CDCA8: variants seen among roughly 807,000 people sequenced by gnomAD.
The protein encoded by CDCA8 is borealin.
Under a neutral mutation model 40.0 loss-of-function variants are expected in CDCA8, and 25 were observed. The observed-to-expected ratio is 0.63, with a 90% CI of 0.46 to 0.87. The LOEUF is 0.87. CDCA8 is among the 40% of genes least tolerant of loss of function. The pLI is 0.00. For synonymous variants in CDCA8, 111 were observed against 126.5 expected, an observed-to-expected ratio of 0.88 and a Z score of 0.82; for missense variants, 280 against 348.4, an observed-to-expected ratio of 0.80 and a Z score of 1.56.
chr1:37,708,298 T>C (rs766804634), intron 9 of CDCA8, 24 bp from the exon 10 acceptor site: 6 of 1,606,340 alleles, frequency 3.7e-6, no homozygotes, highest in East Asian at 2.3e-5. Flanking sequence ...TCTTCTACAA[T>C]GACCTCTCTC....
chr1:37,699,008 A>T (rs763701163), intron 4 of CDCA8, 31 bp downstream of exon 4: 1 of 1,499,476 alleles, frequency 6.7e-7, no homozygotes, highest in East Asian at 2.3e-5. Flanking sequence ...CTTGTTGTAC[A>T]GAAAGAACTG....
At chr1:37,697,035 A>C (rs768659) in intron 3 of CDCA8, among the ~76,000 whole-genome samples, 43,434 of 152,102 alleles carry the variant, frequency 0.29, 7,394 homozygotes, top group East Asian at 0.69. Context: ...TTAAATTAGA[A>C]ATACAGAACT....
rs970188923 is a variant in CDCA8, at chr1:37,696,673, T to C, written c.264+723T>C. Among the ~76,000 whole-genome samples, 15 of 152,242 alleles carry C rather than the reference T, an allele frequency of 9.9e-5. No individual in the cohort carries two copies. Among genetic ancestry groups the C allele is most frequent in the Admixed American group, 9.8e-4 (15 of 15,280 alleles). On this transcript the variant is annotated intron_variant, in intron 3 of 9. Coordinates refer to ENST00000373055, the MANE Select transcript of CDCA8 (RefSeq NM_001256875.2). The surrounding 1 kb of genome is among the most constrained non-coding windows in gnomAD (Gnocchi z 5.0). The stretch of plus-strand genomic sequence containing the variant: ...AGTCCCTAGGCACTCTAAAATAATA[T>C]ACAAACAATGCGTGTGTATGCACGC...
chr1:37,704,849 T>C (rs1021201011), intron 7 of CDCA8, among the ~76,000 whole-genome samples: 1 of 151,914 alleles, frequency 6.6e-6, no homozygotes, highest in African/African-American at 2.4e-5. Context: ...GATTTTGCCA[T>C]GTTGGCCAGG....
chr1:37,692,821 C>T, intron 1 of CDCA8, 37 bp downstream of exon 1: 8 of 1,613,024 alleles, frequency 5.0e-6, no homozygotes, highest in South Asian at 2.2e-5. Flanking sequence ...CTGGGGCGGT[C>T]GCGGGATGCT....
intron 5 of CDCA8, among the ~76,000 whole-genome samples, chr1:37,700,878 C>T (rs1236011712): frequency 6.6e-6 from 1 of 152,156 alleles, no homozygotes; most frequent in Admixed American, 6.5e-5. Context: ...CATGCTGACA[C>T]TATAGAATGA....
At chr1:37,694,473 C>G (rs1645513507) in intron 2 of CDCA8, among the ~76,000 whole-genome samples, 1 of 152,154 alleles carries the variant, frequency 6.6e-6, no homozygotes, top group Admixed American at 6.5e-5. Context: ...ATTGTCTCTG[C>G]CTTCAGGAAC....
At chr1:37,706,261 C>T (rs1040321367) in intron 8 of CDCA8, among the ~76,000 whole-genome samples, 3 of 152,130 alleles carry the variant, frequency 2.0e-5, no homozygotes, top group Non-Finnish European at 4.4e-5. Flanking sequence ...GCACATGCCA[C>T]CACACCCGGC....
intron 6 of CDCA8, 36 bp from the exon 7 acceptor site, chr1:37,703,216 G>A: frequency 1.3e-6 from 2 of 1,501,730 alleles, no homozygotes; most frequent in Non-Finnish European, 1.9e-6. Context: ...TGGAACCTGA[G>A]AGTTGGCATA....
Position 37,703,324 on chromosome 1 carries a change from C to A in CDCA8, c.561C>A (p.Gly187=), listed in dbSNP as rs763837897. Residue 187 remains glycine (G), a synonymous_variant, in exon 7 of 10, where the codon GGC becomes GGA. Transcript: ENST00000373055. ...TGTCCATGGTCAAACCAACTCCAGG[C>A]CTGACACCCAGGTTTGACTCAAGGT... The part of the protein sequence containing the change: ...LEVSMVKPTP[G]LTPRFDSRVF... 1.9e-6 allele frequency: 3 copies of A among 1,613,646 alleles called. No individual in the cohort carries two copies. The highest frequency in any genetic ancestry group is 2.5e-6 in the Non-Finnish European group (3 of 1,179,574).
Position 37,696,021 on chromosome 1 carries a change from G to T in CDCA8, c.264+71G>T. ...GTCCAGTCCCCAGATCCAACTAATA[G>T]ATGCTTACTGTGGAAGAGGTTTCAT... is the stretch of plus-strand genomic sequence containing the variant. On this transcript the variant is annotated intron_variant, in intron 3 of 9. Transcript: ENST00000373055. The surrounding 1 kb of genome is among the most constrained non-coding windows in gnomAD (Gnocchi z 5.0). The T allele has an allele frequency of 7.5e-7, 1 of 1,337,348 alleles. No homozygotes were observed. The highest frequency in any genetic ancestry group is 1.1e-6 in the Non-Finnish European group (1 of 935,134). 82.8% of individuals were successfully genotyped at this position (1,337,348 alleles called of 1,614,324 possible). A position where few individuals can be genotyped will look rare whatever the true frequency, so the allele number is the denominator to read the frequency against.
Position 37,708,734 on chromosome 1 carries a change from G to C in CDCA8, c.*368G>C, listed in dbSNP as rs1295004465. ...AAGAAGAACCCTGTGTTCTCAGGAA[G>C]ACTGCCTCCACCACCGCTACCCAGA... On this transcript the variant is annotated 3_prime_UTR_variant, in exon 10 of 10. Coordinates refer to ENST00000373055, the MANE Select transcript of CDCA8 (RefSeq NM_001256875.2). The C allele has an allele frequency of 3.2e-6, 1 of 308,448 alleles. No homozygotes were observed. Among genetic ancestry groups the C allele is most frequent in the African/African-American group, 2.1e-5 (1 of 47,010 alleles). 19.1% of individuals were successfully genotyped at this position (308,448 alleles called of 1,614,324 possible). A position where few individuals can be genotyped will look rare whatever the true frequency, so the allele number is the denominator to read the frequency against.
intron 4 of CDCA8, 30 bp from the exon 5 acceptor site, chr1:37,700,406 A>G: frequency 3.8e-6 from 5 of 1,320,756 alleles, no homozygotes; most frequent in Non-Finnish European, 5.5e-6. Context: ...TTCATCAGAA[A>G]TACCACCCTG....
chr1:37,700,574 C>T, intron 5 of CDCA8, 53 bp downstream of exon 5: 2 of 1,028,806 alleles, frequency 1.9e-6, no homozygotes, highest in Non-Finnish European at 1.5e-6. Context: ...CAAGCAAATA[C>T]AAATGCATAA....
At chr1:37,700,328 TC>T (rs1645555243) in intron 4 of CDCA8, 107 bp from the exon 5 acceptor site, 3 of 689,752 alleles carry the variant, frequency 4.3e-6, no homozygotes, top group African/African-American at 1.8e-5. Flanking sequence ...TTAGTCCATT[TC>T]TTCCTTGCAG....
chr1:37,699,611 GAAA>G (rs1645550087), intron 4 of CDCA8, among the ~76,000 whole-genome samples: 1 of 86,218 alleles, frequency 1.2e-5, no homozygotes, highest in Non-Finnish European at 2.4e-5. Flanking sequence ...GAAAGGAAAG[GAAA>G]GGAAAGGAAA....
chr1:37,695,900 CT>C lies in CDCA8; in HGVS notation c.224-5del, dbSNP rs1361413770. ...AAAATGTAATAGTAACTACAACGTT[CT>C]TTTTAAAGCCCTTGGAGGAAACAAA... On this transcript the variant is annotated splice_polypyrimidine_tract_variant and intron_variant, in intron 2 of 9. Coordinates refer to ENST00000373055, the MANE Select transcript of CDCA8 (RefSeq NM_001256875.2). The C allele has an allele frequency of 3.1e-6, 5 of 1,612,194 alleles. No individual in the cohort carries two copies. Among genetic ancestry groups the C allele is most frequent in the Non-Finnish European group, 4.2e-6 (5 of 1,178,438 alleles).
intron 7 of CDCA8, 149 bp from the exon 8 acceptor site, chr1:37,705,292 C>T (rs1645590699): frequency 4.6e-6 from 3 of 653,436 alleles, no homozygotes; most frequent in African/African-American, 3.6e-5. Flanking sequence ...TGCTTTAAAA[C>T]ATTTTTTTTT....
intron 1 of CDCA8, 42 bp downstream of exon 1, chr1:37,692,826 G>A: frequency 1.2e-6 from 2 of 1,612,846 alleles, no homozygotes; most frequent in Non-Finnish European, 1.7e-6. Context: ...GCGGTCGCGG[G>A]ATGCTGGCGG....
Sources: allele counts gnomAD v4.1 joint callset (sites outside exome capture counted in the v4.1 genomes callset), GRCh38; gene constraint gnomAD v4.1.1; non-coding constraint Gnocchi (gnomAD v3.1); transcripts MANE v1.5; gene names NCBI Gene and HGNC (gene_info 2026-07-23, HGNC 2026-07-21).